PPP1R9A: variants seen among roughly 807,000 people sequenced by gnomAD.
PPP1R9A encodes protein phosphatase 1 regulatory subunit 9A.
PPP1R9A carries 59 observed loss-of-function variants against 141.9 expected under a neutral mutation model. That is an observed-to-expected ratio of 0.42 (90% CI 0.34 to 0.52). The LOEUF is 0.52. Among genes scored for constraint, PPP1R9A ranks in the 20% least tolerant of loss-of-function variants. The pLI is 0.10. For synonymous variants in PPP1R9A, 500 were observed against 569.7 expected (o/e 0.88, Z 1.74); for missense variants, 1,444 against 1,611.9 (o/e 0.90, Z 1.78).
intron 4 of PPP1R9A, among the ~76,000 whole-genome samples, chr7:95,134,609 A>G (rs1225259942): frequency 1.3e-5 from 2 of 151,906 alleles, no homozygotes; most frequent in African/African-American, 4.8e-5. Flanking sequence ...CTAGTTTTGT[A>G]TTTTTAATAG....
intron 2 of PPP1R9A, among the ~76,000 whole-genome samples, chr7:95,038,464 G>C (rs563191672): frequency 6.6e-6 from 1 of 152,112 alleles, no homozygotes; most frequent in South Asian, 2.1e-4. Context: ...CAGATGATCT[G>C]AGAATGATTC....
intron 2 of PPP1R9A, among the ~76,000 whole-genome samples, chr7:95,043,186 T>C (rs1809506564): frequency 6.6e-6 from 1 of 152,186 alleles, no homozygotes; most frequent in South Asian, 2.1e-4. Flanking sequence ...CTAGAGAGAC[T>C]TAAATTCCCC....
In PPP1R9A at chr7:95,120,707, A is replaced by G; in HGVS notation, c.1529-5A>G. On this transcript the variant is annotated splice_region_variant and splice_polypyrimidine_tract_variant and intron_variant, in intron 3 of 19. Transcript: ENST00000433360. ...TCACCTCCCCCCTTTTTTTCTTTTT[A>G]ATAGATGAGGATGGTCTTGGTATAA... 2 of 1,601,134 alleles carry G rather than the reference A, an allele frequency of 1.2e-6. No homozygotes were observed. Among genetic ancestry groups the G allele is most frequent in the Non-Finnish European group, 1.7e-6 (2 of 1,175,124 alleles).
chr7:95,091,205 A>C (rs1273101673), intron 2 of PPP1R9A, among the ~76,000 whole-genome samples: 1 of 151,842 alleles, frequency 6.6e-6, no homozygotes, highest in Non-Finnish European at 1.5e-5. Flanking sequence ...ATTTCATTAA[A>C]CTGTTAGAAT....
chr7:95,141,634 TG>T (rs1826713934), intron 4 of PPP1R9A, among the ~76,000 whole-genome samples: 1 of 98,030 alleles, frequency 1.0e-5, no homozygotes, highest in Admixed American at 1.1e-4. Flanking sequence ...CTTTTGTGAC[TG>T]GCTTTTTTTT....
At chr7:95,106,758 A>C (rs1031382163) in intron 2 of PPP1R9A, among the ~76,000 whole-genome samples, 2 of 152,136 alleles carry the variant, frequency 1.3e-5, no homozygotes, top group Admixed American at 1.3e-4. Context: ...CCTCTTCAAA[A>C]GTATCCTTTT....
At chr7:95,152,719 A>G (rs927027992) in intron 4 of PPP1R9A, among the ~76,000 whole-genome samples, 2 of 151,960 alleles carry the variant, frequency 1.3e-5, no homozygotes, top group Admixed American at 1.3e-4. Flanking sequence ...AGTTACCCAT[A>G]TTACCATTGT....
At chr7:94,958,367 T>C (rs114921588) in intron 2 of PPP1R9A, among the ~76,000 whole-genome samples, 1,700 of 152,102 alleles carry the variant, frequency 0.011, 33 homozygotes, top group African/African-American at 0.039. Context: ...ATTTTTCTCA[T>C]ATTAGAACTT....
intron 2 of PPP1R9A, among the ~76,000 whole-genome samples, chr7:95,103,453 C>T (rs1563239924): frequency 2.0e-5 from 3 of 146,380 alleles, no homozygotes; most frequent in East Asian, 2.0e-4. Flanking sequence ...CTGCAAGCTC[C>T]GCCTCCTGGG....
intron 2 of PPP1R9A, among the ~76,000 whole-genome samples, chr7:94,989,624 TC>T (rs59815447): frequency 0.048 from 7,358 of 152,118 alleles, 712 homozygotes; most frequent in East Asian, 0.41. Context: ...TTTTTCTCAT[TC>T]CCAATTTCCT....
At chr7:95,109,350 T>G (rs1820135353) in intron 2 of PPP1R9A, among the ~76,000 whole-genome samples, 1 of 152,228 alleles carries the variant, frequency 6.6e-6, no homozygotes, top group Non-Finnish European at 1.5e-5. Context: ...GTGCTTATTT[T>G]GATTTCTGTG....
At chr7:95,140,901 A>T (rs1407957756) in intron 4 of PPP1R9A, among the ~76,000 whole-genome samples, 1 of 151,800 alleles carries the variant, frequency 6.6e-6, no homozygotes, top group Non-Finnish European at 1.5e-5. Flanking sequence ...TATTTTTTTT[A>T]AAGAAGTGGG....
rs918325107 is a variant in PPP1R9A, at chr7:95,050,735, T to G, written c.1396-60524T>G. 2.6e-5 allele frequency among the ~76,000 whole-genome samples: 4 copies of G among 152,170 alleles called. No individual in the cohort carries two copies. The South Asian group carries it at 6.2e-4, about 24-fold the overall frequency. ...GAGTTAAACTCCATCTCAAAAGAAA[T>G]AAATACAAGCAAGAAAGCAGGCTAT... On this transcript the variant is annotated intron_variant, in intron 2 of 19. Coordinates refer to ENST00000433360, the MANE Select transcript of PPP1R9A (RefSeq NM_001166160.2).
chr7:95,257,195 C>G (rs781359324), intron 12 of PPP1R9A, among the ~76,000 whole-genome samples: 1 of 152,068 alleles, frequency 6.6e-6, no homozygotes, highest in Non-Finnish European at 1.5e-5. Flanking sequence ...TACTGAGATT[C>G]ATTATGAAGT....
chr7:95,215,400 C>T (rs985382065), intron 7 of PPP1R9A, among the ~76,000 whole-genome samples: 1 of 151,948 alleles, frequency 6.6e-6, no homozygotes, highest in Non-Finnish European at 1.5e-5. Flanking sequence ...GTTCCAAGTC[C>T]TTGCTATTGT....
At chr7:95,065,170 A>G (rs969544627) in intron 2 of PPP1R9A, among the ~76,000 whole-genome samples, 1 of 152,022 alleles carries the variant, frequency 6.6e-6, no homozygotes, top group African/African-American at 2.4e-5. Context: ...GGCTCAAACA[A>G]TTTTCCCACA....
intron 8 of PPP1R9A, among the ~76,000 whole-genome samples, chr7:95,226,807 T>C (rs1394253721): frequency 6.6e-6 from 1 of 152,170 alleles, no homozygotes; most frequent in Non-Finnish European, 1.5e-5. Flanking sequence ...GGCAATGTGC[T>C]CTCAGAGAAG....
chr7:95,218,087 TG>T lies in PPP1R9A; in HGVS notation c.1957-7873del, dbSNP rs1793781194. ...TAGGGTGTCAATTTTCTATCTTTCCTGCTTTCTCTTGTGGGCATTTAGTGCT... is the reference window on the plus strand; with the variant it reads ...TAGGGTGTCAATTTTCTATCTTTCCTCTTTCTCTTGTGGGCATTTAGTGCT... On this transcript the variant is annotated intron_variant, in intron 7 of 19. Coordinates refer to ENST00000433360, the MANE Select transcript of PPP1R9A (RefSeq NM_001166160.2). 3.3e-5 allele frequency among the ~76,000 whole-genome samples: 5 copies of T among 152,344 alleles called. No individual in the cohort carries two copies. The South Asian group carries it at 1.0e-3, about 32-fold the overall frequency.
chr7:95,110,378 A>G (rs1322558915), intron 2 of PPP1R9A, among the ~76,000 whole-genome samples: 1 of 152,136 alleles, frequency 6.6e-6, no homozygotes, highest in East Asian at 1.9e-4. Flanking sequence ...GGGGGAGCAC[A>G]GTTTCTTTAG....
Sources: allele counts gnomAD v4.1 joint callset (sites outside exome capture counted in the v4.1 genomes callset), GRCh38; gene constraint gnomAD v4.1.1; transcripts MANE v1.5; gene names NCBI Gene and HGNC (gene_info 2026-07-23, HGNC 2026-07-21).